SYNPR: variants seen among roughly 807,000 people sequenced by gnomAD.
SYNPR encodes the protein synaptoporin.
SYNPR carries 23 observed loss-of-function variants against 32.9 expected under a neutral mutation model. That is an observed-to-expected ratio of 0.70 (90% confidence interval 0.50 to 0.99). SYNPR has a LOEUF of 0.99. Ranked by LOEUF, SYNPR falls within the 50% of genes least tolerant of loss-of-function variation. SYNPR has a pLI of 0.00. For synonymous variants in SYNPR, 146 were observed against 135.9 expected (o/e 1.07, Z -0.52); for missense variants, 318 against 349.3 (o/e 0.91, Z 0.71).
At chr3:63,458,876 G>T (rs1700531239) in intron 2 of SYNPR, among the ~76,000 whole-genome samples, 1 of 151,928 alleles carries the variant, frequency 6.6e-6, no homozygotes, top group South Asian at 2.1e-4. Context: ...TCAGTAAAAA[G>T]TGTCATTTTC....
At chr3:63,443,334 TAA>T (rs1409073810) in intron 2 of SYNPR, 15 of 1,523,230 alleles carry the variant, frequency 9.8e-6, no homozygotes, top group Middle Eastern at 1.7e-4. Flanking sequence ...CTTTGCTTCA[TAA>T]AAAGAGGGAC....
At chr3:63,515,287 C>T (rs181871276) in intron 3 of SYNPR, among the ~76,000 whole-genome samples, 5 of 152,118 alleles carry the variant, frequency 3.3e-5, no homozygotes, top group Non-Finnish European at 7.4e-5. Flanking sequence ...GTTCTCACCT[C>T]CTCAGTATCT....
chr3:63,260,995 G>A (rs2086432720), intron 2 of SYNPR, among the ~76,000 whole-genome samples: 1 of 152,166 alleles, frequency 6.6e-6, no homozygotes, highest in African/African-American at 2.4e-5. Flanking sequence ...TCTGAGAAAT[G>A]CAAATCAAAA....
chr3:63,241,769 A>T (rs934141387), intron 1 of SYNPR, among the ~76,000 whole-genome samples: 8 of 152,092 alleles, frequency 5.3e-5, no homozygotes, highest in African/African-American at 1.9e-4. Context: ...TTTTCGTTAG[A>T]TAAGAAAATT....
At chr3:63,391,060 A>G (rs972762972) in intron 2 of SYNPR, among the ~76,000 whole-genome samples, 1 of 152,206 alleles carries the variant, frequency 6.6e-6, no homozygotes, top group African/African-American at 2.4e-5. Flanking sequence ...GGGTTTCATC[A>G]TGACTCAATT....
chr3:63,253,731 A>C (rs1434374549), intron 2 of SYNPR, among the ~76,000 whole-genome samples: 1 of 152,218 alleles, frequency 6.6e-6, no homozygotes, highest in Non-Finnish European at 1.5e-5. Flanking sequence ...ACTGTAAACT[A>C]GTTCAATCAT....
the SYNPR span, among the ~76,000 whole-genome samples, chr3:63,214,317 G>T: frequency 2.6e-5 from 1 of 38,010 alleles, no homozygotes; most frequent in Non-Finnish European, 6.2e-5. Context: ...GGTAGAATTC[G>T]GCTGTGAATC....
intron 2 of SYNPR, among the ~76,000 whole-genome samples, chr3:63,420,665 G>A (rs529161528): frequency 3.9e-5 from 6 of 152,022 alleles, no homozygotes; most frequent in African/African-American, 1.4e-4. Flanking sequence ...AGTAATAAAA[G>A]CAAATGTTAT....
At chr3:63,473,481 A>C (rs2106680458) in intron 2 of SYNPR, among the ~76,000 whole-genome samples, 1 of 152,342 alleles carries the variant, frequency 6.6e-6, no homozygotes, top group Middle Eastern at 3.4e-3. Flanking sequence ...AAGGTGGTAG[A>C]GATTCAGCAA....
At chr3:63,538,499 G>C (rs189264535) in intron 3 of SYNPR, among the ~76,000 whole-genome samples, 25 of 152,062 alleles carry the variant, frequency 1.6e-4, no homozygotes, top group Admixed American at 9.8e-4. Context: ...CCTTTGCCGT[G>C]ATCTCATAAA....
At chr3:63,402,573 ATT>A (rs1475132382) in intron 2 of SYNPR, among the ~76,000 whole-genome samples, 1 of 152,178 alleles carries the variant, frequency 6.6e-6, no homozygotes, top group Non-Finnish European at 1.5e-5. Flanking sequence ...AGGCCAGCCT[ATT>A]TGTGACAGTG....
intron 1 of SYNPR, among the ~76,000 whole-genome samples, chr3:63,232,363 G>A (rs551412990): frequency 1.4e-4 from 22 of 151,770 alleles, no homozygotes; most frequent in Admixed American, 1.2e-3. Flanking sequence ...CACCAGGCCC[G>A]GTGAATTTTT....
At chr3:63,376,313 A>C (rs1201350056) in intron 2 of SYNPR, among the ~76,000 whole-genome samples, 5 of 151,948 alleles carry the variant, frequency 3.3e-5, no homozygotes, top group African/African-American at 4.9e-5. Flanking sequence ...ATTAGTTATA[A>C]CTTGCATTAG....
At chr3:63,453,777 C>T (rs893407379) in intron 2 of SYNPR, among the ~76,000 whole-genome samples, 5 of 152,060 alleles carry the variant, frequency 3.3e-5, no homozygotes, top group African/African-American at 9.7e-5. Context: ...AAAAGAGGAG[C>T]AAATTCTCAC....
chr3:63,340,824 C>A (rs2087360294), intron 2 of SYNPR, among the ~76,000 whole-genome samples: 1 of 152,168 alleles, frequency 6.6e-6, no homozygotes, highest in Non-Finnish European at 1.5e-5. Context: ...CTATTATTAA[C>A]ATCTTGCATT....
intron 2 of SYNPR, among the ~76,000 whole-genome samples, chr3:63,322,944 G>A (rs1312260284): frequency 6.6e-6 from 1 of 152,022 alleles, no homozygotes; most frequent in Non-Finnish European, 1.5e-5. Context: ...TTTTCTTAAG[G>A]GACAGGGAGA....
intron 2 of SYNPR, among the ~76,000 whole-genome samples, chr3:63,345,434 G>A (rs56047710): frequency 0.13 from 19,946 of 152,218 alleles, 1,393 homozygotes; most frequent in Non-Finnish European, 0.15. Flanking sequence ...CAGCAGCAGG[G>A]CTGTCTCCAT....
At chr3:63,567,802 A>T (rs914258023) in intron 4 of SYNPR, among the ~76,000 whole-genome samples, 1 of 152,236 alleles carries the variant, frequency 6.6e-6, no homozygotes, top group Admixed American at 6.5e-5. Context: ...CACTTGAGTG[A>T]TTGGCCAAGG....
intron 4 of SYNPR, among the ~76,000 whole-genome samples, chr3:63,572,424 C>A (rs1702903106): frequency 6.6e-6 from 1 of 152,162 alleles, no homozygotes; most frequent in Admixed American, 6.6e-5. Flanking sequence ...CCAACACCTG[C>A]TGACTCTGAG....
Sources: gnomAD v4.1 joint callset for allele counts (sites outside exome capture counted in the v4.1 genomes callset) on GRCh38, gnomAD v4.1.1 for gene constraint, MANE v1.5 for transcripts, NCBI Gene and HGNC (gene_info 2026-07-23, HGNC 2026-07-21) for gene names.